ZNF804B: variants seen among roughly 807,000 people sequenced by gnomAD.
ZNF804B encodes zinc finger protein 804B.
A neutral mutation model predicts 101.4 loss-of-function variants in ZNF804B; 80 were observed. That is an observed-to-expected ratio of 0.79 (90% confidence interval 0.66 to 0.95). The LOEUF (loss-of-function observed/expected upper bound fraction) is 0.95, where lower values mean the gene tolerates loss of function less well. Among genes scored for constraint, ZNF804B ranks in the 40% least tolerant of loss-of-function variants. The probability of loss-of-function intolerance (pLI) is 0.00; values close to 1 mark genes in which losing one functional copy is unlikely to be tolerated. For synonymous variants in ZNF804B, 622 were observed against 558.8 expected, an observed-to-expected ratio of 1.11 and a Z score of -1.59; for missense variants, 1,673 against 1,561.9, an observed-to-expected ratio of 1.07 and a Z score of -1.20.
intron 1 of ZNF804B, among the ~76,000 whole-genome samples, chr7:89,028,410 G>C (rs1788782466): frequency 6.6e-6 from 1 of 152,122 alleles, no homozygotes; most frequent in Non-Finnish European, 1.5e-5. Flanking sequence ...TTGCTGAGCA[G>C]CTTCAAACAC....
intron 1 of ZNF804B, among the ~76,000 whole-genome samples, chr7:88,898,681 A>G (rs1203900031): frequency 6.6e-6 from 1 of 152,128 alleles, no homozygotes; most frequent in African/African-American, 2.4e-5. Context: ...ATATTGTCGA[A>G]GATAATTTTC....
At chr7:88,778,950 TC>T (rs1419149015) in intron 1 of ZNF804B, among the ~76,000 whole-genome samples, 1 of 152,168 alleles carries the variant, frequency 6.6e-6, no homozygotes, top group Non-Finnish European at 1.5e-5. Context: ...GCTCCCCAGT[TC>T]CATTTTCAAA....
chr7:88,960,955 A>G (rs1444415206), intron 1 of ZNF804B, among the ~76,000 whole-genome samples: 1 of 151,438 alleles, frequency 6.6e-6, no homozygotes, highest in East Asian at 2.0e-4. Flanking sequence ...TGATTTTGTC[A>G]TTGACAAATA....
At chr7:89,161,503 A>G (rs1791060906) in intron 1 of ZNF804B, among the ~76,000 whole-genome samples, 1 of 152,044 alleles carries the variant, frequency 6.6e-6, no homozygotes, top group South Asian at 2.1e-4. Flanking sequence ...TGGAATATAT[A>G]CTGTAGACTA....
intron 1 of ZNF804B, among the ~76,000 whole-genome samples, chr7:89,119,785 C>A (rs1023126387): frequency 1.8e-4 from 27 of 152,158 alleles, no homozygotes; most frequent in African/African-American, 6.3e-4. Context: ...GTTTGATAAT[C>A]CTGGCATGGA....
chr7:89,134,780 A>G (rs543442153), intron 1 of ZNF804B, among the ~76,000 whole-genome samples: 1 of 151,788 alleles, frequency 6.6e-6, no homozygotes, highest in South Asian at 2.1e-4. Context: ...ATAATAACCC[A>G]TATTTTATTG....
intron 1 of ZNF804B, among the ~76,000 whole-genome samples, chr7:89,166,105 C>T (rs1184378901): frequency 3.3e-5 from 5 of 152,096 alleles, no homozygotes; most frequent in Non-Finnish European, 7.4e-5. Flanking sequence ...TGTCCCCTGG[C>T]GTCCACAAAT....
chr7:89,289,504 C>T (rs547562753), intron 2 of ZNF804B, among the ~76,000 whole-genome samples: 26 of 152,322 alleles, frequency 1.7e-4, no homozygotes, highest in African/African-American at 2.9e-4. Context: ...TTTCCCACCC[C>T]TAGCAGCAGC....
At chr7:89,036,589 A>G (rs1013047051) in intron 1 of ZNF804B, among the ~76,000 whole-genome samples, 7 of 152,138 alleles carry the variant, frequency 4.6e-5, no homozygotes, top group Non-Finnish European at 5.9e-5. Flanking sequence ...TTACAAAACT[A>G]TGTTTCTTTT....
intron 1 of ZNF804B, among the ~76,000 whole-genome samples, chr7:88,921,668 A>T (rs1792721506): frequency 1.3e-5 from 2 of 152,028 alleles, no homozygotes; most frequent in Non-Finnish European, 1.5e-5. Context: ...TAGCATGTTT[A>T]CTAGAGGGTG....
chr7:89,298,214 GTGTATATATATATA>G (rs1316271384), intron 2 of ZNF804B, among the ~76,000 whole-genome samples: 45 of 58,686 alleles, frequency 7.7e-4, no homozygotes, highest in Non-Finnish European at 9.2e-4. Flanking sequence ...GTGTGTGTGT[GTGTATATATATATA>G]TATATATATA....
intron 1 of ZNF804B, among the ~76,000 whole-genome samples, chr7:89,174,035 G>A (rs1209505787): frequency 1.3e-5 from 2 of 151,884 alleles, no homozygotes; most frequent in Non-Finnish European, 2.9e-5. Flanking sequence ...ATTACATCAG[G>A]GTAAGTAAGG....
At chr7:88,768,720 AAAAC>A (rs1420066178) in intron 1 of ZNF804B, among the ~76,000 whole-genome samples, 2 of 152,228 alleles carry the variant, frequency 1.3e-5, no homozygotes, top group African/African-American at 4.8e-5. Flanking sequence ...TCTGTCTCAG[AAAAC>A]AAACAAACAA....
intron 1 of ZNF804B, among the ~76,000 whole-genome samples, chr7:88,942,694 G>A (rs1320575859): frequency 6.6e-6 from 1 of 151,444 alleles, no homozygotes; most frequent in African/African-American, 2.4e-5. Context: ...TGGTATTTAG[G>A]TTAGACCACG....
chr7:89,018,910 G>A (rs1788615058), intron 1 of ZNF804B, among the ~76,000 whole-genome samples: 1 of 151,796 alleles, frequency 6.6e-6, no homozygotes, highest in Non-Finnish European at 1.5e-5. Flanking sequence ...ATGGTTTATT[G>A]AATTTGTTTA....
chr7:88,797,867 C>T (rs1364179647), intron 1 of ZNF804B, among the ~76,000 whole-genome samples: 1 of 152,088 alleles, frequency 6.6e-6, no homozygotes, highest in Non-Finnish European at 1.5e-5. Flanking sequence ...ATTGCCACAG[C>T]AAATGAGAGT....
At chr7:88,948,306 ATTTTTT>A (rs68069374) in intron 1 of ZNF804B, among the ~76,000 whole-genome samples, 1 of 92,700 alleles carries the variant, frequency 1.1e-5, no homozygotes, top group Non-Finnish European at 2.0e-5. Context: ...CCACCCATCC[ATTTTTT>A]TTTTTTTTTT....
At chr7:88,874,830 C>T (rs1308938385) in intron 1 of ZNF804B, among the ~76,000 whole-genome samples, 2 of 150,958 alleles carry the variant, frequency 1.3e-5, no homozygotes, top group African/African-American at 2.4e-5. Flanking sequence ...CTACAGAACT[C>T]CCCACCCCAA....
At chr7:88,958,742 T>C (rs919072291) in intron 1 of ZNF804B, among the ~76,000 whole-genome samples, 2 of 151,452 alleles carry the variant, frequency 1.3e-5, no homozygotes, top group African/African-American at 2.4e-5. Context: ...TTTTAGATAC[T>C]GATTCTCATG....
Sources: gnomAD v4.1 joint callset for allele counts (sites outside exome capture counted in the v4.1 genomes callset) on GRCh38, gnomAD v4.1.1 for gene constraint, MANE v1.5 for transcripts, NCBI Gene and HGNC (gene_info 2026-07-23, HGNC 2026-07-21) for gene names.